BIRC6: variants seen among roughly 807,000 people sequenced by gnomAD.
BIRC6 encodes baculoviral IAP repeat containing 6.
Under a neutral mutation model 503.3 loss-of-function variants are expected in BIRC6, and 98 were observed. The ratio of observed to expected loss-of-function variants is 0.19; its 90% CI spans 0.17 to 0.23. The LOEUF (loss-of-function observed/expected upper bound fraction) is 0.23. BIRC6 is among the 10% of genes least tolerant of loss of function. The pLI, the probability that BIRC6 is intolerant of heterozygous loss-of-function variation, is 1.00. For synonymous variants in BIRC6, 2,240 were observed against 2,078.7 expected, an observed-to-expected ratio of 1.08 and a Z score of -2.11; for missense variants, 5,360 against 5,806.0, an observed-to-expected ratio of 0.92 and a Z score of 2.50.
intron 19 of BIRC6, among the ~76,000 whole-genome samples, chr2:32,442,828 T>C (rs2045566685): frequency 6.6e-6 from 1 of 152,172 alleles, no homozygotes; most frequent in Non-Finnish European, 1.5e-5. Context: ...TTTTGTAGCA[T>C]TGTGCAGACC....
chr2:32,483,825 C>T (rs957984983), intron 39 of BIRC6, among the ~76,000 whole-genome samples: 2 of 152,172 alleles, frequency 1.3e-5, no homozygotes, highest in Admixed American at 1.3e-4. Flanking sequence ...ACATTTCATT[C>T]AATTAGGGTG....
chr2:32,613,069 C>G (rs2062987487), intron 73 of BIRC6, among the ~76,000 whole-genome samples: 1 of 152,006 alleles, frequency 6.6e-6, no homozygotes, highest in South Asian at 2.1e-4. Flanking sequence ...CATCTGCTCT[C>G]CCTCCTCCAG....
Position 32,460,282 on chromosome 2 carries a change from T to A in BIRC6, c.4754-2912T>A, listed in dbSNP as rs1259218283. Reference sequence around the variant, plus strand: ...TATATATATATATATATTTTTTTTTTTTTTTTTTTTTTTTTGACATGGAGT... The same window carrying A: ...TATATATATATATATATTTTTTTTTATTTTTTTTTTTTTTTGACATGGAGT... On this transcript the variant is annotated intron_variant, in intron 23 of 73. Transcript: ENST00000421745. Among the ~76,000 whole-genome samples the A allele has an allele frequency of 5.8e-3, 493 of 85,202 alleles. 1 individual carries two copies. The highest frequency in any genetic ancestry group is 0.018 in the African/African-American group (363 of 20,734). 55.9% of individuals were successfully genotyped at this position (85,202 alleles called of 152,430 possible).
chr2:32,502,228 T>C (rs1365037050), intron 47 of BIRC6, among the ~76,000 whole-genome samples: 2 of 152,172 alleles, frequency 1.3e-5, no homozygotes, highest in East Asian at 3.8e-4. Flanking sequence ...GAAGAAGTAA[T>C]GTGAAATCTT....
chr2:32,607,714 A>C, intron 72 of BIRC6, 71 bp downstream of exon 72: 1 of 1,332,202 alleles, frequency 7.5e-7, no homozygotes, highest in Non-Finnish European at 1.0e-6. Flanking sequence ...ATGGTGGCTC[A>C]TGCCTGTAAT....
At position 32,559,270 on chromosome 2, in the gene BIRC6, C is replaced by T. The variant is rs377346602; in HGVS notation, c.13144+9789C>T. On this transcript the variant is annotated intron_variant, in intron 65 of 73. Coordinates refer to ENST00000421745, the MANE Select transcript of BIRC6 (RefSeq NM_016252.4). ...GAGGATTGGAAGGATAGTGACTTCA[C>T]TTGCCTGGTTGTAAGCTGTAACACT... Among the ~76,000 whole-genome samples, 4 of 152,340 alleles carry T rather than the reference C, an allele frequency of 2.6e-5. No individual in the cohort carries two copies. The East Asian group carries it at 5.8e-4, about 22-fold the overall frequency.
intron 5 of BIRC6, among the ~76,000 whole-genome samples, chr2:32,393,913 T>A (rs57795873): frequency 0.01 from 1,523 of 151,480 alleles, 23 homozygotes; most frequent in African/African-American, 0.034. Context: ...CTTCAAGTAT[T>A]CTGAACATCT....
chr2:32,447,651 G>C (rs1437951918), intron 21 of BIRC6, among the ~76,000 whole-genome samples: 3 of 123,888 alleles, frequency 2.4e-5, no homozygotes, highest in Non-Finnish European at 5.2e-5. Flanking sequence ...GCCGGGCAGG[G>C]GGCTGACCCC....
chr2:32,487,991 T>TAA (rs2051197801), intron 41 of BIRC6, among the ~76,000 whole-genome samples, 190 bp downstream of exon 41: 6 of 151,564 alleles, frequency 4.0e-5, no homozygotes, highest in African/African-American at 7.3e-5. Context: ...TTGATAATTT[T>TAA]TAAGATTTTT....
At position 32,447,140 on chromosome 2, in the gene BIRC6, C is replaced by T. The variant is rs1367128556; in HGVS notation, c.4484+1472C>T. Among the ~76,000 whole-genome samples the T allele has an allele frequency of 3.3e-4, 50 of 149,810 alleles. 1 individual carries two copies. The highest frequency in any genetic ancestry group is 1.2e-3 in the African/African-American group (48 of 40,414). On this transcript the variant is annotated intron_variant, in intron 21 of 73. Transcript: ENST00000421745. ...AGTACAGAACAAAATGAAAAGTCTC[C>T]CATGTCTACCTCTATCCACACAGAC...
At chr2:32,369,131 G>T (rs985852493) in intron 1 of BIRC6, among the ~76,000 whole-genome samples, 2 of 152,082 alleles carry the variant, frequency 1.3e-5, no homozygotes, top group African/African-American at 4.8e-5. Context: ...ATATCCAGGG[G>T]ACATTTCTGT....
At chr2:32,560,925 G>A (rs1309615869) in intron 65 of BIRC6, among the ~76,000 whole-genome samples, 1 of 151,820 alleles carries the variant, frequency 6.6e-6, no homozygotes, top group Non-Finnish European at 1.5e-5. Flanking sequence ...GTAGGCCGGG[G>A]GCGGTGGCTC....
At chr2:32,410,623 A>C (rs2041754428) in intron 9 of BIRC6, among the ~76,000 whole-genome samples, 1 of 152,222 alleles carries the variant, frequency 6.6e-6, no homozygotes, top group African/African-American at 2.4e-5. Context: ...AAATAGTGTA[A>C]AATGGTGTAA....
In BIRC6 at chr2:32,477,389, T is replaced by G; in HGVS notation, c.6874T>G (p.Leu2292Val). 1 of 1,613,948 alleles carries G rather than the reference T, an allele frequency of 6.2e-7. No homozygotes were observed. Among genetic ancestry groups the G allele is most frequent in the Non-Finnish European group, 8.5e-7 (1 of 1,179,852 alleles). The change falls in exon 35 of 74, where the codon TTA (leucine) becomes GTA (valine). Residue 2292 changes from leucine (L) to valine (V), a missense_variant. Physicochemically the swap from Leu to Val is conservative, Grantham distance 32 (BLOSUM62 1). Coordinates refer to ENST00000421745, the MANE Select transcript of BIRC6 (RefSeq NM_016252.4). ...GCAGCACTTTAAGGATTTAATTCGT[T>G]TACGTCGGACAGCAGAATGGTCCCG... ...TSKHFKDLIR[L>V]RRTAEWSRSN...
chr2:32,594,713 T>TGGAC (rs1553523162), intron 67 of BIRC6, among the ~76,000 whole-genome samples: 2 of 151,556 alleles, frequency 1.3e-5, no homozygotes, highest in African/African-American at 4.9e-5. Flanking sequence ...GATGGATGGA[T>TGGAC]GGATGGATGG....
intron 6 of BIRC6, among the ~76,000 whole-genome samples, chr2:32,400,256 A>G (rs930937235): frequency 2.0e-5 from 3 of 151,652 alleles, no homozygotes; most frequent in Non-Finnish European, 4.4e-5. Flanking sequence ...ATTTGATCCT[A>G]TAGTGAATAC....
intron 66 of BIRC6, among the ~76,000 whole-genome samples, chr2:32,587,435 G>T (rs1475705611): frequency 6.6e-6 from 1 of 152,068 alleles, no homozygotes; most frequent in Non-Finnish European, 1.5e-5. Context: ...AATATTTTTA[G>T]TTGAAAAAAA....
At chr2:32,419,736 C>T (rs1417064205) in intron 10 of BIRC6, among the ~76,000 whole-genome samples, 1 of 152,078 alleles carries the variant, frequency 6.6e-6, no homozygotes, top group Non-Finnish European at 1.5e-5. Context: ...GCCTATATAC[C>T]TGTACTGATA....
Position 32,505,218 on chromosome 2 carries a change from T to C in BIRC6, c.9700+13T>C. 1 of 1,533,620 alleles carries C rather than the reference T, an allele frequency of 6.5e-7. No homozygotes were observed. The highest frequency in any genetic ancestry group is 1.2e-5 in the South Asian group (1 of 83,878). ...GCATCTCTTGCAAGTGAGTAATATT[T>C]TATAAAGAAGCATCATGAGAACAAG... is the stretch of plus-strand genomic sequence containing the variant. On this transcript the variant is annotated intron_variant, in intron 50 of 73. Transcript: ENST00000421745.
Sources: allele counts gnomAD v4.1 joint callset (sites outside exome capture counted in the v4.1 genomes callset), GRCh38; gene constraint gnomAD v4.1.1; transcripts MANE v1.5; gene names NCBI Gene and HGNC (gene_info 2026-07-23, HGNC 2026-07-21).